SAMD5: variants seen among roughly 807,000 people sequenced by gnomAD.
SAMD5 encodes sterile alpha motif domain containing 5.
In SAMD5, 13 loss-of-function variants were observed where a neutral mutation model predicts 11.3. The ratio of observed to expected loss-of-function variants is 1.15; its 90% CI spans 0.75 to 1.83. SAMD5 has a LOEUF of 1.83. Among genes scored for constraint, SAMD5 ranks in the 40% most tolerant of loss-of-function variants. The pLI is 0.00. For synonymous variants in SAMD5, 129 were observed against 111.3 expected (o/e 1.16, Z -1.00); for missense variants, 255 against 239.1 (o/e 1.07, Z -0.44).
intron 1 of SAMD5, among the ~76,000 whole-genome samples, chr6:147,561,558 G>A (rs1005115986): frequency 6.6e-6 from 1 of 152,094 alleles, no homozygotes; most frequent in South Asian, 2.1e-4. Flanking sequence ...TATGATAACC[G>A]AGAAAGAAGA....
At chr6:147,628,331 T>G (rs1267982438) in intron 1 of SAMD5, among the ~76,000 whole-genome samples, 3 of 152,244 alleles carry the variant, frequency 2.0e-5, no homozygotes, top group African/African-American at 4.8e-5. Flanking sequence ...GATAATTTTT[T>G]AATTTCTATG....
chr6:147,569,229 A>T lies in SAMD5; in HGVS notation c.*4773A>T. ...GAGTGAGACTCTGTCTAAAAAAAAA[A>T]AAAAAAGAAAAGAAAAAAGAAAAAT... On this transcript the variant is annotated 3_prime_UTR_variant, in exon 2 of 2. Coordinates refer to ENST00000367474, the MANE Select transcript of SAMD5 (RefSeq NM_001030060.3). 1.4e-5 allele frequency: 5 copies of T among 346,290 alleles called. No individual in the cohort carries two copies. Among genetic ancestry groups the T allele is most frequent in the South Asian group, 1.2e-4 (1 of 8,496 alleles). 21.5% of individuals were successfully genotyped at this position (346,290 alleles called of 1,614,324 possible). A position where few individuals can be genotyped will look rare whatever the true frequency, so the allele number is the denominator to read the frequency against.
intron 1 of SAMD5, among the ~76,000 whole-genome samples, chr6:147,512,144 G>T (rs951396766): frequency 4.6e-5 from 7 of 152,274 alleles, no homozygotes; most frequent in South Asian, 2.1e-4. Flanking sequence ...TTTTAGTAGA[G>T]ACGGGGTTTC....
chr6:147,726,534 C>CCAGGCA (rs1791629907), intron 1 of SAMD5, among the ~76,000 whole-genome samples: 1 of 152,112 alleles, frequency 6.6e-6, no homozygotes. Context: ...AGGCCCAGGC[C>CCAGGCA]CAGGTCCAGG....
Position 147,568,352 on chromosome 6 carries a change from A to T in SAMD5, c.*3896A>T. 1 of 985,220 alleles carries T rather than the reference A, an allele frequency of 1.0e-6. No individual in the cohort carries two copies. The highest frequency in any genetic ancestry group is 1.2e-6 in the Non-Finnish European group (1 of 829,724). 61.0% of individuals were successfully genotyped at this position (985,220 alleles called of 1,614,324 possible). A position where few individuals can be genotyped will look rare whatever the true frequency, so the allele number is the denominator to read the frequency against. On this transcript the variant is annotated 3_prime_UTR_variant, in exon 2 of 2. Coordinates refer to ENST00000367474, the MANE Select transcript of SAMD5 (RefSeq NM_001030060.3). ...TCTCTTGCACAGGGGGTTGAAAAATAAAAAAAGAAGTTAACATAATTAAAA... is the reference window on the plus strand; with the variant it reads ...TCTCTTGCACAGGGGGTTGAAAAATTAAAAAAGAAGTTAACATAATTAAAA...
chr6:147,654,092 ATTCCT>A (rs1790531842), intron 1 of SAMD5, among the ~76,000 whole-genome samples: 1 of 152,198 alleles, frequency 6.6e-6, no homozygotes, highest in South Asian at 2.1e-4. Flanking sequence ...AGCATTTACA[ATTCCT>A]TTTACTTGTG....
At chr6:147,866,785 G>A in the SAMD5 span, among the ~76,000 whole-genome samples, 10 of 152,156 alleles carry the variant, frequency 6.6e-5, no homozygotes, top group South Asian at 6.2e-4. Context: ...GGCTAAAATC[G>A]TTTTAAAAGA....
chr6:147,637,577 T>C (rs111297934), intron 1 of SAMD5, among the ~76,000 whole-genome samples: 5 of 152,222 alleles, frequency 3.3e-5, no homozygotes, highest in African/African-American at 1.2e-4. Flanking sequence ...TCAGCAGGGC[T>C]AGGCAGACCT....
At chr6:147,627,268 T>C (rs964063747) in intron 1 of SAMD5, among the ~76,000 whole-genome samples, 1 of 152,184 alleles carries the variant, frequency 6.6e-6, no homozygotes, top group Non-Finnish European at 1.5e-5. Flanking sequence ...GAGCACCTCC[T>C]GACCAACTGA....
At chr6:147,884,155 G>A in the SAMD5 span, among the ~76,000 whole-genome samples, 2 of 151,982 alleles carry the variant, frequency 1.3e-5, no homozygotes, top group Non-Finnish European at 2.9e-5. Flanking sequence ...ACAATAGAGA[G>A]TACTGAGGCT....
At chr6:147,855,673 C>T in the SAMD5 span, among the ~76,000 whole-genome samples, 1 of 151,320 alleles carries the variant, frequency 6.6e-6, no homozygotes, top group Non-Finnish European at 1.5e-5. Context: ...TAAGTTTGGA[C>T]CAAAAAAATA....
rs1789030185 is a variant in SAMD5 at position 147,565,816 on chromosome 6, A to G, written c.*1360A>G. 2 of 985,420 alleles carry G rather than the reference A, an allele frequency of 2.0e-6. No homozygotes were observed. Among genetic ancestry groups the G allele is most frequent in the Non-Finnish European group, 2.4e-6 (2 of 829,944 alleles). The allele number at this position is 985,420 out of a possible 1,614,324, so 61.0% of individuals were successfully genotyped here. On this transcript the variant is annotated 3_prime_UTR_variant, in exon 2 of 2. Coordinates refer to ENST00000367474, the MANE Select transcript of SAMD5 (RefSeq NM_001030060.3). ...AAACGCAACCATGTTGATGGGACCA[A>G]AAACTTAGTTGAAAGAAGCCATGGC...
At chr6:147,562,714 C>T (rs1012556712) in intron 1 of SAMD5, among the ~76,000 whole-genome samples, 1 of 151,836 alleles carries the variant, frequency 6.6e-6, no homozygotes, top group Non-Finnish European at 1.5e-5. Flanking sequence ...CCCAGCTATT[C>T]GGGAGGCTGA....
chr6:147,720,261 A>G (rs1791528492), intron 1 of SAMD5, among the ~76,000 whole-genome samples: 1 of 152,110 alleles, frequency 6.6e-6, no homozygotes, highest in South Asian at 2.1e-4. Flanking sequence ...GGAGATCGAG[A>G]CCATCCTGGC....
chr6:147,877,890 G>C, the SAMD5 span, among the ~76,000 whole-genome samples: 74 of 42,236 alleles, frequency 1.8e-3, no homozygotes, highest in African/African-American at 7.3e-3. Context: ...ACGATAGATA[G>C]ATAGCTAGAT....
chr6:147,700,359 C>G (rs1791235475), intron 1 of SAMD5, among the ~76,000 whole-genome samples: 1 of 152,168 alleles, frequency 6.6e-6, no homozygotes. Context: ...TAATCTTGAT[C>G]ATAGAGCTGT....
At chr6:147,610,948 C>T (rs546925104) in intron 1 of SAMD5, among the ~76,000 whole-genome samples, 7 of 150,770 alleles carry the variant, frequency 4.6e-5, no homozygotes, top group Non-Finnish European at 1.0e-4. Context: ...CAGCTTACTG[C>T]AACCTCCGCC....
chr6:147,808,159 C>A, the SAMD5 span, among the ~76,000 whole-genome samples: 4 of 152,276 alleles, frequency 2.6e-5, no homozygotes, highest in South Asian at 2.1e-4. Flanking sequence ...GGAGGCCAAC[C>A]ACTGAACAAC....
intron 1 of SAMD5, among the ~76,000 whole-genome samples, chr6:147,554,490 T>C (rs531205583): frequency 7.7e-4 from 117 of 152,208 alleles, no homozygotes; most frequent in Non-Finnish European, 1.4e-3. Context: ...CCACAGGCTA[T>C]TTTGATATGG....
Sources: gnomAD v4.1 joint callset for allele counts (sites outside exome capture counted in the v4.1 genomes callset) on GRCh38, gnomAD v4.1.1 for gene constraint, MANE v1.5 for transcripts, NCBI Gene and HGNC (gene_info 2026-07-23, HGNC 2026-07-21) for gene names.